The following EXOC6 variants were observed in gnomAD, a reference collection of about 807,000 sequenced individuals.
EXOC6 encodes the protein SEC15-like 1.
EXOC6 carries 60 observed loss-of-function variants against 112.5 expected under a neutral mutation model. That is an observed-to-expected ratio of 0.53 (90% confidence interval 0.43 to 0.66). EXOC6 has a LOEUF of 0.66. Ranked by LOEUF, EXOC6 falls within the 30% of genes least tolerant of loss-of-function variation. The pLI is 0.00. For synonymous variants in EXOC6, 295 were observed against 308.0 expected (o/e 0.96, Z 0.44); for missense variants, 855 against 957.1 (o/e 0.89, Z 1.41).
chr10:92,948,175 A>C, intron 13 of EXOC6, 99 bp from the exon 14 acceptor site: 1 of 688,378 alleles, frequency 1.5e-6, no homozygotes, highest in South Asian at 2.3e-5. Context: ...ACAAGTAAAA[A>C]CTGCTTTTGT....
chr10:92,882,593 G>C (rs1046440246), intron 1 of EXOC6, among the ~76,000 whole-genome samples: 6 of 149,510 alleles, frequency 4.0e-5, no homozygotes, highest in Admixed American at 2.7e-4. Context: ...GCTATTTGTT[G>C]TTTAAAAGAA....
intron 19 of EXOC6, among the ~76,000 whole-genome samples, chr10:93,012,943 G>A (rs1455656347): frequency 6.6e-6 from 1 of 151,992 alleles, no homozygotes; most frequent in Non-Finnish European, 1.5e-5. Flanking sequence ...AGCTACTTGG[G>A]AGGCTGATTC....
rs1257574708 is a variant in EXOC6 at position 92,934,372 on chromosome 10, C to A, written c.1082C>A (p.Thr361Asn). ...VTQGLVTRAY[T>N]DELWNMALSK... Reference sequence around the variant, plus strand: ...CAAGGATTAGTAACCAGGGCATACACTGATGAACTTTGGAACATGGCCCTC... The same window carrying A: ...CAAGGATTAGTAACCAGGGCATACAATGATGAACTTTGGAACATGGCCCTC... The change falls in exon 11 of 22, where the codon ACT (threonine) becomes AAT (asparagine). Residue 361 changes from threonine (T) to asparagine (N), a missense_variant. By Grantham distance (65) the Thr-to-Asn change is moderately conservative. This residue lies in a region of EXOC6 where 450 missense variants were observed against 563.5 expected (regional missense o/e 0.80). Coordinates refer to ENST00000260762, the MANE Select transcript of EXOC6 (RefSeq NM_019053.6). The A allele has an allele frequency of 1.9e-6, 3 of 1,605,232 alleles. No individual in the cohort carries two copies. Among genetic ancestry groups the A allele is most frequent in the Non-Finnish European group, 2.6e-6 (3 of 1,176,434 alleles).
intron 9 of EXOC6, among the ~76,000 whole-genome samples, chr10:92,929,111 A>G (rs1185609574): frequency 1.3e-5 from 2 of 152,178 alleles, no homozygotes; most frequent in Non-Finnish European, 2.9e-5. Flanking sequence ...GTAGGTGTCT[A>G]ATAAGAGATT....
chr10:92,872,125 CGTT>C (rs1053207005), intron 1 of EXOC6, among the ~76,000 whole-genome samples: 38 of 151,882 alleles, frequency 2.5e-4, no homozygotes, highest in Admixed American at 1.7e-3. Flanking sequence ...CATTTATTGA[CGTT>C]ATTATTTAAT....
chr10:92,964,476 G>C (rs896632502), intron 17 of EXOC6, among the ~76,000 whole-genome samples: 1 of 152,138 alleles, frequency 6.6e-6, no homozygotes, highest in Non-Finnish European at 1.5e-5. Context: ...GCAGGAAGAA[G>C]TTAACTAGGG....
intron 1 of EXOC6, among the ~76,000 whole-genome samples, chr10:92,874,397 A>G (rs1848597181): frequency 1.3e-5 from 2 of 150,176 alleles, no homozygotes; most frequent in South Asian, 2.2e-4. Context: ...ATTATGTGGT[A>G]GGGCTTCCCA....
At chr10:92,987,963 T>C (rs914182628) in intron 18 of EXOC6, among the ~76,000 whole-genome samples, 1 of 152,206 alleles carries the variant, frequency 6.6e-6, no homozygotes, top group Non-Finnish European at 1.5e-5. Flanking sequence ...CTACAGATTT[T>C]TGTGAGCTTA....
chr10:92,831,908 T>C (rs1037505545), upstream of EXOC6, among the ~76,000 whole-genome samples: 2 of 152,218 alleles, frequency 1.3e-5, no homozygotes, highest in Non-Finnish European at 2.9e-5. Context: ...CTGTAATTCT[T>C]CTATAAGTTT....
intron 4 of EXOC6, among the ~76,000 whole-genome samples, chr10:92,896,471 A>G (rs1849832110): frequency 6.6e-6 from 1 of 151,162 alleles, no homozygotes; most frequent in South Asian, 2.1e-4. Flanking sequence ...TGCTAGGATT[A>G]CAGGTGTGAG....
intron 18 of EXOC6, among the ~76,000 whole-genome samples, chr10:92,991,611 T>G (rs1465144874): frequency 6.6e-6 from 1 of 152,106 alleles, no homozygotes; most frequent in East Asian, 1.9e-4. Flanking sequence ...ATAAGCCCTA[T>G]GATTGGGATA....
intron 18 of EXOC6, among the ~76,000 whole-genome samples, chr10:92,983,028 A>T (rs1327168133): frequency 6.6e-6 from 1 of 152,216 alleles, no homozygotes; most frequent in Non-Finnish European, 1.5e-5. Flanking sequence ...TTTTAAAATC[A>T]TTCTCTCCTT....
intron 21 of EXOC6, 42 bp from the exon 22 acceptor site, chr10:93,058,181 A>C (rs756108341): frequency 3.2e-6 from 5 of 1,574,066 alleles, no homozygotes; most frequent in Non-Finnish European, 4.3e-6. Context: ...CTTAGCTTTT[A>C]ATTTTCTTTT....
intron 8 of EXOC6, among the ~76,000 whole-genome samples, chr10:92,927,337 T>C (rs566162118): frequency 2.0e-5 from 3 of 152,184 alleles, no homozygotes; most frequent in African/African-American, 7.2e-5. Context: ...TAATTTATTT[T>C]TTCAGTTATT....
At chr10:92,859,821 ATGTGTGTGTGTGTG>A (rs10617958) in intron 1 of EXOC6, among the ~76,000 whole-genome samples, 74 of 141,694 alleles carry the variant, frequency 5.2e-4, no homozygotes, top group African/African-American at 2.6e-4. Flanking sequence ...GTTTGTGTGC[ATGTGTGTGTGTGTG>A]TGTGTGTGTG....
At chr10:92,957,167 A>C (rs567042273) in intron 17 of EXOC6, among the ~76,000 whole-genome samples, 1 of 152,144 alleles carries the variant, frequency 6.6e-6, no homozygotes, top group Non-Finnish European at 1.5e-5. Flanking sequence ...TAATGCCTCT[A>C]CTTTCTCTTT....
At chr10:93,041,487 G>A (rs1845773489) in intron 20 of EXOC6, among the ~76,000 whole-genome samples, 1 of 152,102 alleles carries the variant, frequency 6.6e-6, no homozygotes, top group African/African-American at 2.4e-5. Flanking sequence ...TACCTCCTGG[G>A]TTCAAGCAAT....
intron 13 of EXOC6, among the ~76,000 whole-genome samples, chr10:92,943,054 C>T (rs1852758038): frequency 6.7e-6 from 1 of 150,134 alleles, no homozygotes; most frequent in African/African-American, 2.5e-5. Context: ...CGGAGTCTTG[C>T]ACTGTCACCT....
intron 5 of EXOC6, chr10:92,900,548 C>T (rs1051363321): frequency 2.6e-5 from 4 of 151,540 alleles, no homozygotes; most frequent in South Asian, 2.1e-4. Flanking sequence ...AAAAACTATT[C>T]TGAAAGTCTT....
Sources: allele counts gnomAD v4.1 joint callset (sites outside exome capture counted in the v4.1 genomes callset), GRCh38; gene constraint gnomAD v4.1.1; regional missense constraint gnomAD v4.1.1; transcripts MANE v1.5; gene names NCBI Gene and HGNC (gene_info 2026-07-23, HGNC 2026-07-21).